Variants in RUNDC3B observed in about 807,000 individuals in gnomAD.
RUNDC3B encodes the protein RUN domain containing 3B.
In RUNDC3B, 33 loss-of-function variants were observed where a neutral mutation model predicts 58.4. The ratio of observed to expected loss-of-function variants is 0.56; its 90% confidence interval spans 0.43 to 0.75. The LOEUF is 0.75. RUNDC3B is among the 30% of genes least tolerant of loss of function. RUNDC3B has a pLI of 0.00. For missense variants in RUNDC3B, 501 were observed against 535.7 expected, an observed-to-expected ratio of 0.94 and a Z score of 0.64; for synonymous variants, 193 against 195.2, an observed-to-expected ratio of 0.99 and a Z score of 0.10.
chr7:87,743,093 G>A (rs942514467), intron 6 of RUNDC3B, among the ~76,000 whole-genome samples: 26 of 149,960 alleles, frequency 1.7e-4, no homozygotes, highest in African/African-American at 5.9e-4. Flanking sequence ...CAACCTGGGT[G>A]ACAGAGCGAG....
Position 87,775,497 on chromosome 7 carries a change from A to G in RUNDC3B, c.799-2301A>G, listed in dbSNP as rs181652941. ...GTTAATTTTATTACTGAAGAAAGAAAACTTATAAAAATAAATTTAGTATAG... is the reference window on the plus strand; with the variant it reads ...GTTAATTTTATTACTGAAGAAAGAAGACTTATAAAAATAAATTTAGTATAG... On this transcript the variant is annotated intron_variant, in intron 7 of 10. Coordinates refer to ENST00000394654, the MANE Select transcript of RUNDC3B (RefSeq NM_001134405.2). Among the ~76,000 whole-genome samples, 4 of 152,324 alleles carry G rather than the reference A, an allele frequency of 2.6e-5. No individual in the cohort carries two copies. In the East Asian group the frequency reaches 7.7e-4, roughly 29 times the overall value.
At chr7:87,739,305 G>A (rs546115161) in intron 4 of RUNDC3B, among the ~76,000 whole-genome samples, 8 of 152,042 alleles carry the variant, frequency 5.3e-5, no homozygotes, top group African/African-American at 1.9e-4. Flanking sequence ...TTACTAACAA[G>A]TATGCCTCCC....
chr7:87,720,773 T>C (rs1461308045), intron 4 of RUNDC3B, among the ~76,000 whole-genome samples: 3 of 151,574 alleles, frequency 2.0e-5, no homozygotes, highest in Non-Finnish European at 1.5e-5. Flanking sequence ...GCTAATTTTT[T>C]GTATTTTTAG....
At chr7:87,660,366 C>A (rs1039557734) in intron 2 of RUNDC3B, among the ~76,000 whole-genome samples, 2 of 151,860 alleles carry the variant, frequency 1.3e-5, no homozygotes, top group Non-Finnish European at 2.9e-5. Flanking sequence ...GTCTTCTATC[C>A]CATATACTCT....
At chr7:87,678,893 A>G (rs1456374955) in intron 2 of RUNDC3B, among the ~76,000 whole-genome samples, 1 of 152,180 alleles carries the variant, frequency 6.6e-6, no homozygotes, top group Non-Finnish European at 1.5e-5. Flanking sequence ...AAACCAAAGT[A>G]TGTATGCAGC....
rs150324575 is a variant in RUNDC3B, at chr7:87,688,971, C to G, written c.239-11450C>G. Among the ~76,000 whole-genome samples the G allele has an allele frequency of 5.9e-5, 9 of 151,962 alleles. No homozygotes were observed. In the East Asian group the frequency reaches 1.5e-3, roughly 26 times the overall value. On this transcript the variant is annotated intron_variant, in intron 2 of 10. Coordinates refer to ENST00000394654, the MANE Select transcript of RUNDC3B (RefSeq NM_001134405.2). ...ACCAATTTAAATATTTACTTATTTA[C>G]AGAATGAGAGATTTATTAATGGTTC...
chr7:87,745,762 T>C (rs2130820783), intron 6 of RUNDC3B, among the ~76,000 whole-genome samples: 1 of 150,536 alleles, frequency 6.6e-6, no homozygotes, highest in South Asian at 2.1e-4. Context: ...CAGCTTTTTG[T>C]TTCATTTATC....
Position 87,630,074 on chromosome 7 carries a change from T to A in RUNDC3B, c.122+1129T>A, listed in dbSNP as rs540461399. Among the ~76,000 whole-genome samples, 34 of 152,282 alleles carry A rather than the reference T, an allele frequency of 2.2e-4. No individual in the cohort carries two copies. The South Asian group carries it at 6.8e-3, about 31-fold the overall frequency. ...TTTCTTAGGAACTTCTCTGAGCCAT[T>A]AAGTTGTTTTAAAATTACTTTCCTC... is the stretch of plus-strand genomic sequence containing the variant. On this transcript the variant is annotated intron_variant, in intron 1 of 10. Coordinates refer to ENST00000394654, the MANE Select transcript of RUNDC3B (RefSeq NM_001134405.2).
chr7:87,750,803 C>T lies in RUNDC3B; in HGVS notation c.629+9224C>T, dbSNP rs1383594648. On this transcript the variant is annotated intron_variant, in intron 6 of 10. Transcript: ENST00000394654. ...AGCCCTTTGTCAGATGAGTAGGTTG[C>T]GAAAATTTTCTCCCATTTTGTAGGT... Among the ~76,000 whole-genome samples, 48 of 150,604 alleles carry T rather than the reference C, an allele frequency of 3.2e-4. No individual in the cohort carries two copies. The East Asian group carries it at 3.5e-3, about 11-fold the overall frequency.
intron 2 of RUNDC3B, among the ~76,000 whole-genome samples, chr7:87,675,652 G>GAAAAAA (rs1826259609): frequency 2.9e-5 from 1 of 34,258 alleles, no homozygotes; most frequent in African/African-American, 2.0e-4. Flanking sequence ...ATATTCACAT[G>GAAAAAA]CAAAAAAAAA....
chr7:87,739,950 C>T (rs2130810181), intron 5 of RUNDC3B, 70 bp downstream of exon 5: 1 of 696,676 alleles, frequency 1.4e-6, no homozygotes, highest in East Asian at 2.9e-5. Flanking sequence ...TGATTTTTTT[C>T]TTTCAGTTGT....
In RUNDC3B at chr7:87,828,849, TA is replaced by T. The variant is rs1837979915; in HGVS notation, c.1226-1034del. On this transcript the variant is annotated intron_variant, in intron 10 of 10. Transcript: ENST00000394654. ...AATTTGCCAGTAAATAAAAAGGGATTAACAAATGTGTAACAGGCAAATAGAA... is the reference window on the plus strand; with the variant it reads ...AATTTGCCAGTAAATAAAAAGGGATTACAAATGTGTAACAGGCAAATAGAA... Among the ~76,000 whole-genome samples, 5 of 152,254 alleles carry T rather than the reference TA, an allele frequency of 3.3e-5. No homozygotes were observed. The South Asian group carries it at 1.0e-3, about 32-fold the overall frequency.
chr7:87,681,601 C>A lies in RUNDC3B; in HGVS notation c.239-18820C>A, dbSNP rs1047980285. Among the ~76,000 whole-genome samples, 20 of 150,740 alleles carry A rather than the reference C, an allele frequency of 1.3e-4. 1 individual carries two copies. The highest frequency in any genetic ancestry group is 4.9e-4 in the African/African-American group (20 of 40,658). On this transcript the variant is annotated intron_variant, in intron 2 of 10. Coordinates refer to ENST00000394654, the MANE Select transcript of RUNDC3B (RefSeq NM_001134405.2). ...TACTGCTAAAAATGCTAACAATCAT[C>A]TGAGCCTTCAGCAAGTCATTACCTT...
intron 4 of RUNDC3B, among the ~76,000 whole-genome samples, chr7:87,732,612 C>CT (rs1225515219): frequency 2.6e-5 from 4 of 152,124 alleles, no homozygotes; most frequent in Non-Finnish European, 5.9e-5. Flanking sequence ...AAATAACAGA[C>CT]ACACACAAGA....
intron 9 of RUNDC3B, among the ~76,000 whole-genome samples, chr7:87,812,256 G>A (rs1193256784): frequency 6.6e-6 from 1 of 152,150 alleles, no homozygotes; most frequent in Admixed American, 6.5e-5. Flanking sequence ...GTTAGATGTT[G>A]AATTTAGTAG....
intron 1 of RUNDC3B, among the ~76,000 whole-genome samples, chr7:87,648,443 G>C (rs1220159354): frequency 4.6e-5 from 7 of 151,984 alleles, no homozygotes; most frequent in Non-Finnish European, 1.5e-5. Flanking sequence ...TCACATTAAA[G>C]GGCTTCTCAG....
At chr7:87,756,213 C>A (rs187629529) in intron 6 of RUNDC3B, among the ~76,000 whole-genome samples, 10 of 152,010 alleles carry the variant, frequency 6.6e-5, no homozygotes, top group African/African-American at 2.4e-4. Context: ...TTACTTCTTT[C>A]TTGGTTTTCT....
At chr7:87,823,490 T>C (rs1837613730) in intron 10 of RUNDC3B, among the ~76,000 whole-genome samples, 1 of 152,074 alleles carries the variant, frequency 6.6e-6, no homozygotes, top group South Asian at 2.1e-4. Flanking sequence ...TCTTTAGTGG[T>C]GATTTATGAG....
At chr7:87,789,230 T>C (rs1297759549) in intron 8 of RUNDC3B, among the ~76,000 whole-genome samples, 1 of 152,244 alleles carries the variant, frequency 6.6e-6, no homozygotes, top group Non-Finnish European at 1.5e-5. Context: ...AGTTAGCTGA[T>C]GAATGTTTTT....
Sources: allele counts gnomAD v4.1 joint callset (sites outside exome capture counted in the v4.1 genomes callset), GRCh38; gene constraint gnomAD v4.1.1; transcripts MANE v1.5; gene names NCBI Gene and HGNC (gene_info 2026-07-23, HGNC 2026-07-21).